The following GALNT17 variants were observed in gnomAD, a reference collection of about 807,000 sequenced individuals.
GALNT17 encodes polypeptide N-acetylgalactosaminyltransferase 17.
In GALNT17, 29 loss-of-function variants were observed where a neutral mutation model predicts 63.7. The observed-to-expected ratio is 0.46, with a 90% CI of 0.34 to 0.62. The LOEUF (loss-of-function observed/expected upper bound fraction) is 0.62, where lower values mean the gene tolerates loss of function less well. Among genes scored for constraint, GALNT17 ranks in the 20% least tolerant of loss-of-function variants. The pLI, the probability that GALNT17 is intolerant of heterozygous loss-of-function variation, is 0.01. For missense variants in GALNT17, 603 were observed against 799.6 expected (o/e 0.75, Z 2.97); for synonymous variants, 305 against 318.3 (o/e 0.96, Z 0.45).
At chr7:71,583,953 T>A (rs1789677202) in intron 6 of GALNT17, among the ~76,000 whole-genome samples, 1 of 144,330 alleles carries the variant, frequency 6.9e-6, no homozygotes. Context: ...TGAAACCCCG[T>A]CTCTACTGAA....
chr7:71,239,082 T>C (rs11769145), intron 1 of GALNT17, among the ~76,000 whole-genome samples: 30,606 of 152,078 alleles, frequency 0.2, 3,230 homozygotes, highest in African/African-American at 0.25. Context: ...GACAGTCCCA[T>C]TGCAATCTAA....
chr7:71,531,665 C>G (rs1221238140), intron 5 of GALNT17, among the ~76,000 whole-genome samples: 1 of 152,150 alleles, frequency 6.6e-6, no homozygotes, highest in Non-Finnish European at 1.5e-5. Context: ...CCCAGACTCA[C>G]TGCAGCCTCA....
chr7:71,702,211 AAGCCCAAACCTCAGCATT>A (rs1308385361), intron 9 of GALNT17, among the ~76,000 whole-genome samples: 1 of 152,026 alleles, frequency 6.6e-6, no homozygotes, highest in Non-Finnish European at 1.5e-5. Flanking sequence ...GGTTCAGTAG[AAGCCCAAACCTCAGCATT>A]ATGCAATATA....
intron 2 of GALNT17, among the ~76,000 whole-genome samples, chr7:71,337,857 A>C (rs972444876): frequency 6.6e-6 from 1 of 151,296 alleles, no homozygotes; most frequent in Non-Finnish European, 1.5e-5. Flanking sequence ...GACAGAGCGA[A>C]ACTCCATCTC....
At chr7:71,494,155 A>G (rs1424333247) in intron 5 of GALNT17, among the ~76,000 whole-genome samples, 1 of 152,070 alleles carries the variant, frequency 6.6e-6, no homozygotes, top group Non-Finnish European at 1.5e-5. Flanking sequence ...GACTTCTCAG[A>G]TGGTGGGAGG....
At chr7:71,277,433 C>G (rs1393368606) in intron 1 of GALNT17, among the ~76,000 whole-genome samples, 1 of 152,182 alleles carries the variant, frequency 6.6e-6, no homozygotes, top group Non-Finnish European at 1.5e-5. Context: ...ACCTAAACCT[C>G]AGCATCACAC....
chr7:71,184,599 C>T (rs1219248082), intron 1 of GALNT17, among the ~76,000 whole-genome samples: 2 of 152,226 alleles, frequency 1.3e-5, no homozygotes. Context: ...CGCCAGCTCC[C>T]TGGCCCAGCT....
intron 2 of GALNT17, among the ~76,000 whole-genome samples, chr7:71,387,221 A>AT (rs1187305933): frequency 1.1e-5 from 1 of 91,802 alleles, no homozygotes; most frequent in Non-Finnish European, 2.6e-5. Flanking sequence ...GGGTTTTGCC[A>AT]TTACTTTTAA....
chr7:71,613,004 C>T (rs893855365), intron 6 of GALNT17, among the ~76,000 whole-genome samples: 2 of 152,186 alleles, frequency 1.3e-5, no homozygotes, highest in South Asian at 2.1e-4. Flanking sequence ...TAACGGCCCC[C>T]CTCTCGCCTA....
At chr7:71,377,807 A>G (rs1792773030) in intron 2 of GALNT17, among the ~76,000 whole-genome samples, 1 of 152,080 alleles carries the variant, frequency 6.6e-6, no homozygotes, top group African/African-American at 2.4e-5. Flanking sequence ...TGATGGTTTT[A>G]TAAGTGTTTG....
intron 1 of GALNT17, among the ~76,000 whole-genome samples, chr7:71,216,602 A>G (rs1789484323): frequency 6.9e-6 from 1 of 144,746 alleles, no homozygotes; most frequent in Non-Finnish European, 1.5e-5. Context: ...ACATATCTAC[A>G]CACATACACA....
chr7:71,285,953 A>G (rs1191831307), intron 1 of GALNT17, among the ~76,000 whole-genome samples: 1 of 152,222 alleles, frequency 6.6e-6, no homozygotes. Context: ...TATATGGAAG[A>G]CTGGAAACCA....
chr7:71,422,272 G>A (rs1786680105), intron 5 of GALNT17, among the ~76,000 whole-genome samples: 1 of 151,960 alleles, frequency 6.6e-6, no homozygotes, highest in African/African-American at 2.4e-5. Context: ...CTTTCTCTCT[G>A]GCACCCTTCA....
chr7:71,270,315 A>C (rs900624646), intron 1 of GALNT17, among the ~76,000 whole-genome samples: 1 of 152,026 alleles, frequency 6.6e-6, no homozygotes, highest in Non-Finnish European at 1.5e-5. Flanking sequence ...CGAGGTCAGG[A>C]GATTGAGACC....
intron 1 of GALNT17, among the ~76,000 whole-genome samples, chr7:71,206,345 T>C (rs1393018972): frequency 6.6e-6 from 1 of 151,828 alleles, no homozygotes; most frequent in Non-Finnish European, 1.5e-5. Flanking sequence ...TGGTGATGAA[T>C]TGACCATGTG....
chr7:71,174,766 A>G (rs1004582787), intron 1 of GALNT17, among the ~76,000 whole-genome samples: 2 of 152,182 alleles, frequency 1.3e-5, no homozygotes, highest in African/African-American at 4.8e-5. Flanking sequence ...GAATGTCATC[A>G]GTTAAGGCTA....
At chr7:71,469,007 C>T (rs1487077583) in intron 5 of GALNT17, among the ~76,000 whole-genome samples, 1 of 152,076 alleles carries the variant, frequency 6.6e-6, no homozygotes, top group African/African-American at 2.4e-5. Flanking sequence ...GATGAGCTCA[C>T]AATGACAAAG....
At chr7:71,378,357 G>C (rs1261190920) in intron 2 of GALNT17, among the ~76,000 whole-genome samples, 1 of 152,002 alleles carries the variant, frequency 6.6e-6, no homozygotes, top group Admixed American at 6.6e-5. Flanking sequence ...GTTCGCTGTT[G>C]CCAAAAATGA....
At chr7:71,574,020 A>G (rs1222756281) in intron 6 of GALNT17, among the ~76,000 whole-genome samples, 2 of 152,280 alleles carry the variant, frequency 1.3e-5, no homozygotes, top group Middle Eastern at 6.8e-3. Context: ...GCAGTATTCC[A>G]TTGCGTACAT....
Sources: allele counts gnomAD v4.1 joint callset (sites outside exome capture counted in the v4.1 genomes callset), GRCh38; gene constraint gnomAD v4.1.1; transcripts MANE v1.5; gene names NCBI Gene and HGNC (gene_info 2026-07-23, HGNC 2026-07-21).